FHIT: variants seen among roughly 807,000 people sequenced by gnomAD.
FHIT encodes the protein fragile histidine triad diadenosine triphosphatase, also known as bis(5'-adenosyl)-triphosphatase.
A neutral mutation model predicts 17.9 loss-of-function variants in FHIT; 19 were observed. The ratio of observed to expected loss-of-function variants is 1.06; its 90% CI spans 0.74 to 1.56. The LOEUF (loss-of-function observed/expected upper bound fraction) is 1.56, where lower values mean the gene tolerates loss of function less well. Among genes scored for constraint, FHIT ranks in the 40% most tolerant of loss-of-function variants. The pLI, the probability that FHIT is intolerant of heterozygous loss-of-function variation, is 0.00. For synonymous variants in FHIT, 81 were observed against 69.7 expected, an observed-to-expected ratio of 1.16 and a Z score of -0.81; for missense variants, 248 against 189.2, an observed-to-expected ratio of 1.31 and a Z score of -1.82.
chr3:60,867,266 T>G (rs1354732964), intron 3 of FHIT, among the ~76,000 whole-genome samples: 1 of 152,196 alleles, frequency 6.6e-6, no homozygotes, highest in Non-Finnish European at 1.5e-5. Flanking sequence ...GAAAGCACTA[T>G]GGGTAATGCA....
intron 5 of FHIT, among the ~76,000 whole-genome samples, chr3:60,191,380 G>C (rs895432161): frequency 4.6e-5 from 7 of 152,186 alleles, no homozygotes; most frequent in Non-Finnish European, 7.3e-5. Flanking sequence ...GAAAACGGCA[G>C]GTTGTCACCT....
intron 5 of FHIT, among the ~76,000 whole-genome samples, chr3:60,125,790 C>T (rs1705519886): frequency 6.6e-6 from 1 of 151,834 alleles, no homozygotes; most frequent in African/African-American, 2.4e-5. Flanking sequence ...ATTCATTGTT[C>T]CTTCTGGTAT....
Position 61,058,475 on chromosome 3 carries a change from T to C in FHIT, c.-163-16376A>G, listed in dbSNP as rs532182716. 1.7e-3 allele frequency among the ~76,000 whole-genome samples: 264 copies of C among 152,326 alleles called. 4 individuals carry two copies. The highest frequency in any genetic ancestry group is 6.8e-3 in the Middle Eastern group (2 of 294). ...CATGTCAAATTGTAATCTTCAGTGT[T>C]GGAGGAGGGGCCTGGTGGGATGTGA... is the stretch of plus-strand genomic sequence containing the variant. On this transcript the variant is annotated intron_variant, in intron 2 of 9. Transcript: ENST00000492590.
intron 5 of FHIT, among the ~76,000 whole-genome samples, chr3:60,419,241 G>C (rs1025946219): frequency 3.9e-5 from 6 of 152,118 alleles, no homozygotes; most frequent in African/African-American, 1.4e-4. Context: ...GTTTCGTGAG[G>C]GTTGTGATTT....
At chr3:60,281,483 G>A (rs12494319) in intron 5 of FHIT, among the ~76,000 whole-genome samples, 39,230 of 151,868 alleles carry the variant, frequency 0.26, 5,829 homozygotes, top group East Asian at 0.71. Flanking sequence ...GACAGAATAG[G>A]TAAGTGAATC....
At chr3:60,691,128 T>C (rs2040979355) in intron 4 of FHIT, among the ~76,000 whole-genome samples, 1 of 148,228 alleles carries the variant, frequency 6.7e-6, no homozygotes, top group South Asian at 2.1e-4. Context: ...TTTTTTGGTA[T>C]CGGGTTTTGT....
chr3:60,788,665 A>T (rs6786213), intron 4 of FHIT, among the ~76,000 whole-genome samples: 1 of 151,840 alleles, frequency 6.6e-6, no homozygotes, highest in Non-Finnish European at 1.5e-5. Context: ...CAGGGTGTTG[A>T]CATTCACAGT....
intron 4 of FHIT, among the ~76,000 whole-genome samples, chr3:60,542,914 G>A (rs549480190): frequency 1.3e-5 from 2 of 152,008 alleles, no homozygotes; most frequent in East Asian, 1.9e-4. Context: ...TATTCCACTT[G>A]GAACTTTGTT....
intron 5 of FHIT, among the ~76,000 whole-genome samples, chr3:60,507,859 C>G (rs562404845): frequency 6.6e-6 from 1 of 152,146 alleles, no homozygotes; most frequent in Non-Finnish European, 1.5e-5. Flanking sequence ...TGATTTCATT[C>G]TTTTTATGGC....
chr3:60,165,560 T>C (rs557260747), intron 5 of FHIT, among the ~76,000 whole-genome samples: 2 of 152,252 alleles, frequency 1.3e-5, no homozygotes, highest in African/African-American at 4.8e-5. Context: ...AAGACCACAA[T>C]ATTTTGCAAT....
intron 5 of FHIT, among the ~76,000 whole-genome samples, chr3:60,252,470 G>A (rs1417849943): frequency 6.6e-6 from 1 of 152,026 alleles, no homozygotes; most frequent in East Asian, 1.9e-4. Flanking sequence ...AGGCTAGGTG[G>A]GAGGATCACT....
intron 4 of FHIT, among the ~76,000 whole-genome samples, chr3:60,551,899 T>C (rs950978700): frequency 2.0e-5 from 3 of 152,016 alleles, no homozygotes; most frequent in Non-Finnish European, 1.5e-5. Flanking sequence ...GTTTTCAGTA[T>C]GTGTGCAAAA....
intron 7 of FHIT, among the ~76,000 whole-genome samples, chr3:59,958,301 G>A (rs1441739110): frequency 1.3e-5 from 2 of 152,120 alleles, no homozygotes; most frequent in African/African-American, 2.4e-5. Flanking sequence ...AACAGCATGT[G>A]TATTGATTCT....
intron 3 of FHIT, among the ~76,000 whole-genome samples, chr3:60,992,745 G>T (rs560377162): frequency 2.6e-5 from 4 of 152,226 alleles, no homozygotes; most frequent in Non-Finnish European, 5.9e-5. Context: ...TGCATTAAAT[G>T]AAAGTTCGAG....
intron 8 of FHIT, among the ~76,000 whole-genome samples, chr3:59,902,527 G>C (rs1559714327): frequency 6.6e-6 from 1 of 151,678 alleles, no homozygotes; most frequent in Non-Finnish European, 1.5e-5. Context: ...AAACCACCAA[G>C]ACATGGCATC....
At chr3:60,290,589 A>G (rs1421434696) in intron 5 of FHIT, among the ~76,000 whole-genome samples, 2 of 152,120 alleles carry the variant, frequency 1.3e-5, no homozygotes, top group Non-Finnish European at 2.9e-5. Context: ...CCAACAGCAG[A>G]GATGTTAAAA....
intron 5 of FHIT, among the ~76,000 whole-genome samples, chr3:60,332,615 A>G (rs1710039465): frequency 6.6e-6 from 1 of 152,158 alleles, no homozygotes; most frequent in Non-Finnish European, 1.5e-5. Context: ...GGAACCTCCA[A>G]AAGACTGATT....
At chr3:60,746,243 C>G (rs2042354277) in intron 4 of FHIT, among the ~76,000 whole-genome samples, 1 of 152,148 alleles carries the variant, frequency 6.6e-6, no homozygotes, top group Non-Finnish European at 1.5e-5. Flanking sequence ...TTCATTTCCC[C>G]CAAAGGGAGT....
rs1206985620 is a variant in FHIT, at chr3:60,712,791, C to G, written c.-18+109128G>C. ...GATTCATAAAGCAAGTCCTGAGCGA[C>G]CTACAAAGAGACTTAGACTCCCACA... On this transcript the variant is annotated intron_variant, in intron 4 of 9. Coordinates refer to ENST00000492590, the MANE Select transcript of FHIT (RefSeq NM_002012.4). 4.4e-5 allele frequency among the ~76,000 whole-genome samples: 6 copies of G among 137,208 alleles called. No individual in the cohort carries two copies. The South Asian group carries it at 1.4e-3, about 31-fold the overall frequency. 90.0% of individuals were successfully genotyped at this position (137,208 alleles called of 152,430 possible).
Sources: allele counts gnomAD v4.1 joint callset (sites outside exome capture counted in the v4.1 genomes callset), GRCh38; gene constraint gnomAD v4.1.1; transcripts MANE v1.5; gene names NCBI Gene and HGNC (gene_info 2026-07-23, HGNC 2026-07-21).